Variants in PPP2R3C observed in about 807,000 individuals in gnomAD.
The protein encoded by PPP2R3C is serine/threonine-protein phosphatase 2A regulatory subunit B'' subunit gamma.
A neutral mutation model predicts 63.7 loss-of-function variants in PPP2R3C; 47 were observed. That is an observed-to-expected ratio of 0.74 (90% CI 0.58 to 0.94). PPP2R3C has a LOEUF of 0.94. Ranked by LOEUF, PPP2R3C falls within the 40% of genes least tolerant of loss-of-function variation. The pLI is 0.00. For missense variants in PPP2R3C, 421 were observed against 518.4 expected, an observed-to-expected ratio of 0.81 and a Z score of 1.82; for synonymous variants, 180 against 177.4, an observed-to-expected ratio of 1.01 and a Z score of -0.12.
In PPP2R3C at chr14:35,107,292, G is replaced by A. The variant is rs758942019; in HGVS notation, c.573+12C>T. 3 of 1,563,152 alleles carry A rather than the reference G, an allele frequency of 1.9e-6. No individual in the cohort carries two copies. Among genetic ancestry groups the A allele is most frequent in the Middle Eastern group, 1.7e-4 (1 of 5,968 alleles). On this transcript the variant is annotated intron_variant, in intron 6 of 12. Coordinates refer to ENST00000261475, the MANE Select transcript of PPP2R3C (RefSeq NM_017917.4). ...TAAGAGTTAATATAATATCTATAAG[G>A]TTAACACTTACAGATTCCCGAAGGT... is the stretch of plus-strand genomic sequence containing the variant.
chr14:35,116,586 G>A (rs1456405025), intron 2 of PPP2R3C, 24 bp downstream of exon 2: 1 of 1,541,344 alleles, frequency 6.5e-7, no homozygotes, highest in Non-Finnish European at 8.7e-7. Flanking sequence ...AACTCTGCAG[G>A]ACATTTGATT....
At chr14:35,109,607 G>A (rs1426259177) in intron 4 of PPP2R3C, among the ~76,000 whole-genome samples, 2 of 151,786 alleles carry the variant, frequency 1.3e-5, no homozygotes, top group African/African-American at 4.8e-5. Context: ...AGCTACAGGT[G>A]TACGCCCCCA....
In PPP2R3C at chr14:35,105,498, TA is replaced by T. The variant is rs752935135; in HGVS notation, c.573+1805del. Reference sequence around the variant, plus strand: ...GCCCAGCCAAAAGGCCTTTTTTTTTTAAAGTTTGAAGAAAAAGAATCTAAAA... The same window carrying T: ...GCCCAGCCAAAAGGCCTTTTTTTTTTAAGTTTGAAGAAAAAGAATCTAAAA... On this transcript the variant is annotated intron_variant, in intron 6 of 12. Transcript: ENST00000261475. Among the ~76,000 whole-genome samples, 25 of 151,890 alleles carry T rather than the reference TA, an allele frequency of 1.6e-4. 1 individual carries two copies. The East Asian group carries it at 3.3e-3, about 20-fold the overall frequency.
At position 35,110,070 on chromosome 14, in the gene PPP2R3C, C is replaced by G. The variant is rs1595118185; in HGVS notation, c.292-139G>C. 18 of 601,366 alleles carry G rather than the reference C, an allele frequency of 3.0e-5. No homozygotes were observed. In the East Asian group the frequency reaches 5.3e-4, roughly 18 times the overall value. The allele number at this position is 601,366 out of a possible 1,614,324, so 37.3% of individuals were successfully genotyped here. A position where few individuals can be genotyped will look rare whatever the true frequency, so the allele number is the denominator to read the frequency against. ...AAGATGAATCTCATGCCCTATTATC[C>G]TTTTGATTACTAACAATAAAAATAA... is the stretch of plus-strand genomic sequence containing the variant. On this transcript the variant is annotated intron_variant, in intron 3 of 12. Coordinates refer to ENST00000261475, the MANE Select transcript of PPP2R3C (RefSeq NM_017917.4).
chr14:35,092,244 A>G (rs1445662842), intron 10 of PPP2R3C, among the ~76,000 whole-genome samples: 2 of 150,794 alleles, frequency 1.3e-5, no homozygotes, highest in Non-Finnish European at 3.0e-5. Flanking sequence ...AATTTTTTAA[A>G]TTCTTTGTAG....
At chr14:35,095,247 C>T (rs2045955458) in intron 9 of PPP2R3C, 63 bp from the exon 10 acceptor site, 1 of 1,532,622 alleles carries the variant, frequency 6.5e-7, no homozygotes, top group Non-Finnish European at 8.9e-7. Flanking sequence ...GAAGAATAGA[C>T]TAACAAAAAG....
At chr14:35,113,138 G>A (rs1312213962) in intron 2 of PPP2R3C, 1 of 152,584 alleles carries the variant, frequency 6.6e-6, no homozygotes, top group Non-Finnish European at 1.5e-5. Context: ...ATTTTACAGA[G>A]TTCAACTCTT....
chr14:35,089,130 G>A (rs910593071), intron 11 of PPP2R3C, among the ~76,000 whole-genome samples: 13 of 151,920 alleles, frequency 8.6e-5, no homozygotes, highest in African/African-American at 3.1e-4. Context: ...TAGAGATAGG[G>A]TCTTACTCTG....
At chr14:35,094,594 G>A (rs190765057) in intron 10 of PPP2R3C, among the ~76,000 whole-genome samples, 80 of 151,900 alleles carry the variant, frequency 5.3e-4, no homozygotes, top group Non-Finnish European at 9.7e-4. Context: ...TTTAATTTAC[G>A]TTAAGACCAA....
chr14:35,112,613 T>C (rs1188807155), intron 2 of PPP2R3C, among the ~76,000 whole-genome samples: 1 of 152,190 alleles, frequency 6.6e-6, no homozygotes, highest in Non-Finnish European at 1.5e-5. Flanking sequence ...CTGAATGGAC[T>C]TCCTCCTCAG....
chr14:35,088,151 G>A, intron 11 of PPP2R3C, 141 bp from the exon 12 acceptor site: 1 of 709,226 alleles, frequency 1.4e-6, no homozygotes, highest in South Asian at 1.6e-5. Context: ...AATCTTCTTA[G>A]CTTTCTTGAC....
At chr14:35,120,252 C>CTT (rs201787178) in intron 1 of PPP2R3C, among the ~76,000 whole-genome samples, 6 of 144,318 alleles carry the variant, frequency 4.2e-5, no homozygotes, top group Non-Finnish European at 9.2e-5. Context: ...ACTGCTTCTC[C>CTT]TTTTTTTTTG....
At chr14:35,102,210 GA>G (rs1193521017) in intron 6 of PPP2R3C, 2 of 152,166 alleles carry the variant, frequency 1.3e-5, no homozygotes. Flanking sequence ...TTTTAGTAGA[GA>G]GGGGGTTTCG....
At chr14:35,097,759 C>T (rs1024256786) in intron 7 of PPP2R3C, among the ~76,000 whole-genome samples, 16 of 152,272 alleles carry the variant, frequency 1.1e-4, no homozygotes, top group Admixed American at 7.9e-4. Context: ...GCTGGGATTA[C>T]AGGTGTGAGC....
At chr14:35,110,866 T>G (rs776296921) in intron 2 of PPP2R3C, 33 of 430,298 alleles carry the variant, frequency 7.7e-5, no homozygotes, top group Non-Finnish European at 9.1e-5. Flanking sequence ...AAGTTTCATT[T>G]TATTTTCTTA....
Position 35,096,618 on chromosome 14 carries a change from G to GT in PPP2R3C, c.777dup (p.Leu260ThrfsTer27). The stretch of plus-strand genomic sequence containing the variant: ...TTTGTTTCTTGACTCTCCTTGGACA[G>GT]TTCCTCATCCCTTAGCTAATGGAAC... On this transcript the variant is annotated frameshift_variant, in exon 9 of 13. Transcript: ENST00000261475. LOFTEE classifies it high-confidence loss of function. 1 of 1,613,786 alleles carries GT rather than the reference G, an allele frequency of 6.2e-7. No individual in the cohort carries two copies. The highest frequency in any genetic ancestry group is 1.3e-5 in the African/African-American group (1 of 75,026).
intron 2 of PPP2R3C, among the ~76,000 whole-genome samples, chr14:35,115,160 TC>T (rs375827448): frequency 1.3e-5 from 2 of 149,980 alleles, no homozygotes; most frequent in African/African-American, 2.5e-5. Context: ...TTTTTTTTTT[TC>T]TTTTTCTTTT....
rs2045801071 is a variant in PPP2R3C, at chr14:35,091,101, A to G, written c.1082T>C (p.Leu361Pro). 1 of 1,606,444 alleles carries G rather than the reference A, an allele frequency of 6.2e-7. No homozygotes were observed. Among genetic ancestry groups the G allele is most frequent in the Non-Finnish European group, 8.5e-7 (1 of 1,174,896 alleles). ...KLLDIENKGY[L>P]NVFSLNYFFR... ...GAAATAATTAAGTGAAAAGACATTC[A>G]GGTATCCTTTGTTCTCAATATCAAG... Residue 361 changes from leucine (L) to proline (P), a missense_variant, in exon 11 of 13, where the codon CTG becomes CCG. Leu to Pro is a moderately conservative substitution (Grantham distance 98, BLOSUM62 -3). Coordinates refer to ENST00000261475, the MANE Select transcript of PPP2R3C (RefSeq NM_017917.4).
intron 12 of PPP2R3C, 54 bp downstream of exon 12, chr14:35,087,897 C>T (rs1029221773): frequency 8.1e-6 from 11 of 1,359,126 alleles, no homozygotes; most frequent in Non-Finnish European, 1.2e-5. Context: ...TCATGTAATA[C>T]AAATGACTAT....
Sources: allele counts gnomAD v4.1 joint callset (sites outside exome capture counted in the v4.1 genomes callset), GRCh38; gene constraint gnomAD v4.1.1; transcripts MANE v1.5; gene names NCBI Gene and HGNC (gene_info 2026-07-23, HGNC 2026-07-21).